KCNMA1: variants seen among roughly 807,000 people sequenced by gnomAD.
KCNMA1 encodes Calcium-activated potassium channel subunit alpha-1.
In KCNMA1, 29 loss-of-function variants were observed where a neutral mutation model predicts 140.0. That is an observed-to-expected ratio of 0.21 (90% CI 0.15 to 0.28). The LOEUF (loss-of-function observed/expected upper bound fraction) is 0.28. Ranked by LOEUF, KCNMA1 falls within the 10% of genes least tolerant of loss-of-function variation. The probability of loss-of-function intolerance (pLI) is 1.00; values close to 1 mark genes in which losing one functional copy is unlikely to be tolerated. For missense variants in KCNMA1, 880 were observed against 1,602.2 expected, an observed-to-expected ratio of 0.55 and a Z score of 7.70; for synonymous variants, 612 against 611.9, an observed-to-expected ratio of 1.00 and a Z score of 0.00.
chr10:77,211,204 T>C (rs1292914277), intron 3 of KCNMA1, among the ~76,000 whole-genome samples: 2 of 152,052 alleles, frequency 1.3e-5, no homozygotes, highest in Admixed American at 6.6e-5. Flanking sequence ...ACTTCAAATA[T>C]ACTATAAGGC....
At chr10:77,612,144 C>A (rs1188605887) in intron 1 of KCNMA1, among the ~76,000 whole-genome samples, 2 of 152,150 alleles carry the variant, frequency 1.3e-5, no homozygotes, top group Middle Eastern at 3.2e-3. Flanking sequence ...CACAGGACAT[C>A]AGAGCCCAGC....
downstream of KCNMA1, chr10:76,872,382 A>C (rs1214695788): frequency 6.6e-6 from 1 of 152,206 alleles, no homozygotes; most frequent in Non-Finnish European, 1.5e-5. Context: ...CATTCTCATG[A>C]TATCTTCCAG....
At chr10:77,245,142 A>G in intron 3 of KCNMA1, among the ~76,000 whole-genome samples, 1 of 152,144 alleles carries the variant, frequency 6.6e-6, no homozygotes, top group South Asian at 2.1e-4. Flanking sequence ...AACAAAGGTT[A>G]AATGCATGCC....
At position 77,370,688 on chromosome 10, in the gene KCNMA1, C is replaced by A. The variant is rs1423347761; in HGVS notation, c.540+33174G>T. Among the ~76,000 whole-genome samples the A allele has an allele frequency of 2.0e-5, 3 of 152,170 alleles. No homozygotes were observed. In the East Asian group the frequency reaches 5.8e-4, roughly 29 times the overall value. On this transcript the variant is annotated intron_variant, in intron 2 of 27. Coordinates refer to ENST00000286628, the MANE Select transcript of KCNMA1 (RefSeq NM_001161352.2). ...TGCTCCTCTGTGGTAGATGACCTATCCAAGTTCACACAACAGGTAACATGG... is the reference window on the plus strand; with the variant it reads ...TGCTCCTCTGTGGTAGATGACCTATACAAGTTCACACAACAGGTAACATGG...
rs61418374 is a variant in KCNMA1 at position 77,588,522 on chromosome 10, G to C, written c.378+48743C>G. 9.2e-3 allele frequency among the ~76,000 whole-genome samples: 1,404 copies of C among 152,264 alleles called. 13 individuals are homozygous for C. The highest frequency in any genetic ancestry group is 0.053 in the East Asian group (274 of 5,176). ...TGTTTACTTTAGCCTGGAGGCAAAG[G>C]GTGCCTCAGGAATGGCAGGGCCATG... On this transcript the variant is annotated intron_variant, in intron 1 of 27. Transcript: ENST00000286628.
At chr10:77,145,336 A>G (rs544871708) in intron 5 of KCNMA1, among the ~76,000 whole-genome samples, 172 of 152,368 alleles carry the variant, frequency 1.1e-3, no homozygotes, top group African/African-American at 4.0e-3. Flanking sequence ...TTTCTTATAA[A>G]TTTGAAATAT....
chr10:77,115,073 T>C (rs2097424185), intron 6 of KCNMA1, among the ~76,000 whole-genome samples: 1 of 152,258 alleles, frequency 6.6e-6, no homozygotes, highest in Non-Finnish European at 1.5e-5. Context: ...GTGCTTTATG[T>C]ATACTAAGTC....
chr10:76,929,338 T>C (rs2058676564), intron 23 of KCNMA1, among the ~76,000 whole-genome samples: 1 of 152,194 alleles, frequency 6.6e-6, no homozygotes, highest in Admixed American at 6.5e-5. Flanking sequence ...CCATTTCCTA[T>C]GCTGATTAGG....
chr10:77,044,042 A>G (rs1177418566), intron 14 of KCNMA1, among the ~76,000 whole-genome samples: 1 of 152,236 alleles, frequency 6.6e-6, no homozygotes, highest in Non-Finnish European at 1.5e-5. Flanking sequence ...TATGTATAAC[A>G]TAAGAGCAGG....
At chr10:77,460,872 G>A (rs369765075) in intron 1 of KCNMA1, among the ~76,000 whole-genome samples, 7 of 152,268 alleles carry the variant, frequency 4.6e-5, no homozygotes, top group Admixed American at 6.5e-5. Context: ...CTGGGAGGCC[G>A]AGGTGGGCGG....
chr10:77,250,084 C>T (rs1213075045), intron 3 of KCNMA1: 1 of 152,200 alleles, frequency 6.6e-6, no homozygotes, highest in Non-Finnish European at 1.5e-5. Context: ...GGCCGGTGAC[C>T]AGATGGCTCT....
At chr10:76,966,669 T>C (rs1248016872) in intron 20 of KCNMA1, among the ~76,000 whole-genome samples, 1 of 152,122 alleles carries the variant, frequency 6.6e-6, no homozygotes, top group Non-Finnish European at 1.5e-5. Context: ...CTTGGTAATT[T>C]TAGAGGAAAA....
At chr10:77,246,479 G>T (rs2058565892) in intron 3 of KCNMA1, among the ~76,000 whole-genome samples, 1 of 152,184 alleles carries the variant, frequency 6.6e-6, no homozygotes, top group African/African-American at 2.4e-5. Context: ...TAGGCCAAGG[G>T]ATGAGAGACC....
At chr10:77,218,918 C>G (rs896517707) in intron 3 of KCNMA1, among the ~76,000 whole-genome samples, 2 of 152,114 alleles carry the variant, frequency 1.3e-5, no homozygotes, top group Admixed American at 6.6e-5. Context: ...AACTGTTGGC[C>G]TCAAGTGATC....
At chr10:77,572,681 G>A (rs1266583030) in intron 1 of KCNMA1, among the ~76,000 whole-genome samples, 4 of 138,772 alleles carry the variant, frequency 2.9e-5, no homozygotes, top group Admixed American at 7.4e-5. Context: ...GCTTGAGCTC[G>A]AGAGGTCAAG....
chr10:76,871,317 G>C (rs1564636135), exon 28 of KCNMA1: 1 of 152,750 alleles, frequency 6.5e-6, no homozygotes, highest in Non-Finnish European at 1.5e-5. Flanking sequence ...CTTCTTGCCT[G>C]CTTCTCTTGT....
intron 5 of KCNMA1, among the ~76,000 whole-genome samples, chr10:77,157,750 C>G (rs1317688529): frequency 6.6e-6 from 1 of 152,120 alleles, no homozygotes; most frequent in Admixed American, 6.5e-5. Flanking sequence ...AGCCCCACAG[C>G]AAGGGCCAAA....
At chr10:77,550,644 C>T (rs550982978) in intron 1 of KCNMA1, among the ~76,000 whole-genome samples, 16 of 152,256 alleles carry the variant, frequency 1.1e-4, no homozygotes, top group South Asian at 1.0e-3. Flanking sequence ...GGAACCAGGC[C>T]GCGTCTGGGC....
chr10:77,317,961 G>A (rs1409463500), intron 2 of KCNMA1, among the ~76,000 whole-genome samples: 1 of 152,110 alleles, frequency 6.6e-6, no homozygotes, highest in East Asian at 1.9e-4. Context: ...TCTTCAACCT[G>A]GATACTCCCA....
Sources: gnomAD v4.1 joint callset for allele counts (sites outside exome capture counted in the v4.1 genomes callset) on GRCh38, gnomAD v4.1.1 for gene constraint, MANE v1.5 for transcripts, NCBI Gene and HGNC (gene_info 2026-07-23, HGNC 2026-07-21) for gene names.